Variants in RALYL observed in about 807,000 individuals in gnomAD.
RALYL encodes the protein RALY RNA binding protein like.
Under a neutral mutation model 35.1 loss-of-function variants are expected in RALYL, and 29 were observed. The ratio of observed to expected loss-of-function variants is 0.83; its 90% CI spans 0.61 to 1.13. The LOEUF (loss-of-function observed/expected upper bound fraction) is 1.13, where lower values mean the gene tolerates loss of function less well. Ranked by LOEUF, RALYL falls within the 50% of genes most tolerant of loss-of-function variation. The pLI is 0.00. For missense variants in RALYL, 359 were observed against 360.4 expected (o/e 1.00, Z 0.03); for synonymous variants, 120 against 127.6 (o/e 0.94, Z 0.40).
intron 2 of RALYL, among the ~76,000 whole-genome samples, chr8:84,666,509 C>T (rs1832083983): frequency 6.6e-6 from 1 of 151,998 alleles, no homozygotes; most frequent in Non-Finnish European, 1.5e-5. Context: ...GAAAATGATA[C>T]AGAGCAATTT....
At chr8:84,259,818 C>T (rs556088643) in intron 1 of RALYL, among the ~76,000 whole-genome samples, 4 of 152,210 alleles carry the variant, frequency 2.6e-5, no homozygotes, top group Admixed American at 2.6e-4. Flanking sequence ...TGATAACATG[C>T]TGTGTGTTTC....
chr8:84,268,232 A>C (rs1586660808), intron 1 of RALYL, among the ~76,000 whole-genome samples: 1 of 152,194 alleles, frequency 6.6e-6, no homozygotes, highest in African/African-American at 2.4e-5. Flanking sequence ...AGTCAGACAC[A>C]GTGAGAGGTT....
chr8:84,626,314 C>T (rs544871899), intron 2 of RALYL, among the ~76,000 whole-genome samples: 1 of 152,126 alleles, frequency 6.6e-6, no homozygotes, highest in Admixed American at 6.5e-5. Flanking sequence ...GCGAATTCCG[C>T]CCAAGCTTTA....
At chr8:84,287,510 A>C (rs1031197852) in intron 1 of RALYL, among the ~76,000 whole-genome samples, 2 of 152,120 alleles carry the variant, frequency 1.3e-5, no homozygotes, top group African/African-American at 4.8e-5. Flanking sequence ...AAAATGAAGA[A>C]GGGTCATGGG....
chr8:84,627,457 A>C (rs1822984922), intron 2 of RALYL, among the ~76,000 whole-genome samples: 1 of 147,476 alleles, frequency 6.8e-6, no homozygotes. Flanking sequence ...GGTCTTATCG[A>C]GTGGCTAGGA....
At chr8:84,224,697 C>T (rs1236018335) in intron 1 of RALYL, among the ~76,000 whole-genome samples, 1 of 150,642 alleles carries the variant, frequency 6.6e-6, no homozygotes, top group East Asian at 1.9e-4. Context: ...CACTCTGTTA[C>T]CCAGGCTGAA....
chr8:84,389,457 G>T (rs1860086862), intron 1 of RALYL, among the ~76,000 whole-genome samples: 1 of 151,800 alleles, frequency 6.6e-6, no homozygotes, highest in Non-Finnish European at 1.5e-5. Flanking sequence ...TCATGATATT[G>T]ATTCTTCCTA....
At chr8:84,895,277 T>C (rs1377867625) in intron 8 of RALYL, among the ~76,000 whole-genome samples, 4 of 149,764 alleles carry the variant, frequency 2.7e-5, no homozygotes, top group African/African-American at 7.4e-5. Flanking sequence ...AGGGATAAGA[T>C]AAACAACCAT....
intron 1 of RALYL, among the ~76,000 whole-genome samples, chr8:84,422,369 G>A (rs1293130533): frequency 7.7e-6 from 1 of 130,160 alleles, no homozygotes; most frequent in Non-Finnish European, 1.6e-5. Flanking sequence ...ATGGTAGTTT[G>A]TATTTCTGTG....
rs138109757 is a variant in RALYL, at chr8:84,818,751, A to G, written c.365+13949A>G. On this transcript the variant is annotated intron_variant, in intron 4 of 8. Coordinates refer to ENST00000521268, the MANE Select transcript of RALYL (RefSeq NM_173848.7). Reference sequence around the variant, plus strand: ...AGTGAGCCACTTATAAAGCAGTTGCAGAAGTTCAGGCATGACTTGAAAAGA... The same window carrying G: ...AGTGAGCCACTTATAAAGCAGTTGCGGAAGTTCAGGCATGACTTGAAAAGA... Among the ~76,000 whole-genome samples, 266 of 152,350 alleles carry G rather than the reference A, an allele frequency of 1.7e-3. 2 individuals carry two copies. The highest frequency in any genetic ancestry group is 6.8e-3 in the Middle Eastern group (2 of 294).
At chr8:84,590,467 A>G (rs1481518456) in intron 2 of RALYL, among the ~76,000 whole-genome samples, 1 of 152,218 alleles carries the variant, frequency 6.6e-6, no homozygotes, top group African/African-American at 2.4e-5. Context: ...TTGAGTTTCA[A>G]TGATCATTTG....
intron 1 of RALYL, among the ~76,000 whole-genome samples, chr8:84,323,321 G>A (rs1016214846): frequency 3.9e-5 from 6 of 151,910 alleles, no homozygotes; most frequent in Non-Finnish European, 7.4e-5. Flanking sequence ...TGTACATAGA[G>A]AACATAAATA....
intron 1 of RALYL, among the ~76,000 whole-genome samples, chr8:84,344,625 C>G (rs1222360495): frequency 6.6e-6 from 1 of 151,986 alleles, no homozygotes; most frequent in Admixed American, 6.6e-5. Context: ...AATTAAATCA[C>G]ACTAACATAT....
At chr8:84,553,838 A>G (rs956687722) in intron 2 of RALYL, among the ~76,000 whole-genome samples, 2 of 152,160 alleles carry the variant, frequency 1.3e-5, no homozygotes, top group East Asian at 1.9e-4. Context: ...GTGTATATCT[A>G]TGTTAATATT....
chr8:84,585,795 T>A (rs900053241), intron 2 of RALYL, among the ~76,000 whole-genome samples: 5 of 152,140 alleles, frequency 3.3e-5, no homozygotes, highest in Admixed American at 6.5e-5. Flanking sequence ...TCTCCTCAAG[T>A]TGCCCAACAT....
chr8:84,247,625 A>G (rs1563604256), intron 1 of RALYL, among the ~76,000 whole-genome samples: 1 of 151,242 alleles, frequency 6.6e-6, no homozygotes, highest in Non-Finnish European at 1.5e-5. Flanking sequence ...GAATTGTTAA[A>G]TAAATCTGTT....
intron 1 of RALYL, among the ~76,000 whole-genome samples, chr8:84,470,561 A>G (rs2052594297): frequency 6.6e-6 from 1 of 152,254 alleles, no homozygotes; most frequent in Admixed American, 6.5e-5. Flanking sequence ...TTTTAGTAGC[A>G]ACATGAAATC....
At chr8:84,920,607 C>T (rs1849166051) in intron 8 of RALYL, among the ~76,000 whole-genome samples, 1 of 151,982 alleles carries the variant, frequency 6.6e-6, no homozygotes, top group African/African-American at 2.4e-5. Context: ...GTGGTTCCTC[C>T]TTTGACTTGG....
chr8:84,431,978 G>C (rs1193807030), intron 1 of RALYL, among the ~76,000 whole-genome samples: 3 of 152,116 alleles, frequency 2.0e-5, no homozygotes, highest in Non-Finnish European at 2.9e-5. Flanking sequence ...CCTGTACACT[G>C]TTGGGAATGT....
Sources: allele counts gnomAD v4.1 joint callset (sites outside exome capture counted in the v4.1 genomes callset), GRCh38; gene constraint gnomAD v4.1.1; transcripts MANE v1.5; gene names NCBI Gene and HGNC (gene_info 2026-07-23, HGNC 2026-07-21).